GALK2: variants seen among roughly 807,000 people sequenced by gnomAD.
GALK2 encodes galactokinase 2, also known as N-acetylgalactosamine kinase.
GALK2 carries 36 observed loss-of-function variants against 52.4 expected under a neutral mutation model. The ratio of observed to expected loss-of-function variants is 0.69; its 90% CI spans 0.53 to 0.91. GALK2 has a LOEUF of 0.91. Among genes scored for constraint, GALK2 ranks in the 40% least tolerant of loss-of-function variants. The pLI, the probability that GALK2 is intolerant of heterozygous loss-of-function variation, is 0.00. For missense variants in GALK2, 579 were observed against 559.1 expected (o/e 1.04, Z -0.36); for synonymous variants, 176 against 199.1 (o/e 0.88, Z 0.98).
chr15:49,298,898 G>C (rs1376743134), intron 8 of GALK2, among the ~76,000 whole-genome samples: 1 of 152,074 alleles, frequency 6.6e-6, no homozygotes, highest in African/African-American at 2.4e-5. Flanking sequence ...CCAGGTTTTG[G>C]TATTGGAATC....
At chr15:49,165,559 A>C (rs962506306), upstream of GALK2, among the ~76,000 whole-genome samples, 2 of 152,036 alleles carry the variant, frequency 1.3e-5, no homozygotes, top group African/African-American at 4.8e-5. Flanking sequence ...TTCTCATCAT[A>C]ATTGAGATAT....
chr15:49,191,872 T>C (rs3985852), intron 1 of GALK2, among the ~76,000 whole-genome samples: 40,691 of 149,074 alleles, frequency 0.27, 6,640 homozygotes, highest in Non-Finnish European at 0.37. Flanking sequence ...GTTTTTTTTT[T>C]CCATACTTTT....
chr15:49,328,435 A>G lies in GALK2; in HGVS notation c.*276A>G. On this transcript the variant is annotated 3_prime_UTR_variant, in exon 10 of 10. Transcript: ENST00000560031. ...TGAGATTTATTGATTTGAAGATTTT[A>G]AAGATGAATGGTAAAACACACTCTT... The G allele has an allele frequency of 6.9e-7, 1 of 1,450,110 alleles. No individual in the cohort carries two copies. The highest frequency in any genetic ancestry group is 9.1e-7 in the Non-Finnish European group (1 of 1,102,626). The allele number at this position is 1,450,110 out of a possible 1,614,324, so 89.8% of individuals were successfully genotyped here. A position where few individuals can be genotyped will look rare whatever the true frequency, so the allele number is the denominator to read the frequency against.
chr15:49,275,139 A>C (rs2031443929), intron 5 of GALK2, among the ~76,000 whole-genome samples: 1 of 152,186 alleles, frequency 6.6e-6, no homozygotes, highest in Non-Finnish European at 1.5e-5. Flanking sequence ...GTTTACATCA[A>C]CATCACCACA....
At chr15:49,251,974 T>C (rs2091622227) in intron 5 of GALK2, among the ~76,000 whole-genome samples, 1 of 152,082 alleles carries the variant, frequency 6.6e-6, no homozygotes, top group South Asian at 2.1e-4. Flanking sequence ...TATAAATATA[T>C]GTATATATTG....
rs564652635 is a variant in GALK2, at chr15:49,237,851, AT to A, written c.358-1359del. On this transcript the variant is annotated intron_variant, in intron 4 of 9. Transcript: ENST00000560031. ...TATATTAAATATATTGTATTCTTCA[AT>A]TTTTTTTTTTAAACAAGCTGTCTGA... is the stretch of plus-strand genomic sequence containing the variant. Among the ~76,000 whole-genome samples, 199 of 148,196 alleles carry A rather than the reference AT, an allele frequency of 1.3e-3. 1 individual carries two copies. Among genetic ancestry groups the A allele is most frequent in the African/African-American group, 3.5e-3 (143 of 40,598 alleles).
chr15:49,268,813 G>A (rs573916310), intron 5 of GALK2, among the ~76,000 whole-genome samples: 1 of 152,076 alleles, frequency 6.6e-6, no homozygotes, highest in African/African-American at 2.4e-5. Flanking sequence ...TTACCAATTG[G>A]GTACATCTCC....
At chr15:49,222,090 T>C (rs1219363211) in intron 3 of GALK2, among the ~76,000 whole-genome samples, 1 of 152,178 alleles carries the variant, frequency 6.6e-6, no homozygotes, top group Non-Finnish European at 1.5e-5. Context: ...TCATCAGTGT[T>C]TTCTAGTTTT....
intron 5 of GALK2, among the ~76,000 whole-genome samples, chr15:49,245,801 T>C (rs1194087561): frequency 2.0e-5 from 3 of 152,168 alleles, no homozygotes; most frequent in Non-Finnish European, 4.4e-5. Context: ...TTTCCTACAA[T>C]GTTACAAAAA....
intron 1 of GALK2, chr15:49,156,596 A>C (rs2084461966): frequency 7.7e-6 from 4 of 518,214 alleles, no homozygotes; most frequent in African/African-American, 1.9e-5. Context: ...GGAGCCAAAG[A>C]AATTCAGATT....
At chr15:49,160,782 C>T (rs1490991850) in intron 1 of GALK2, among the ~76,000 whole-genome samples, 1 of 151,882 alleles carries the variant, frequency 6.6e-6, no homozygotes, top group African/African-American at 2.4e-5. Context: ...GCAGGAGAAT[C>T]GCTTGAACCG....
At position 49,319,592 on chromosome 15, in the gene GALK2, T is replaced by C. The variant is rs536203190; in HGVS notation, c.968-12T>C. ...ATTCCTAACCTCCTTCCCCATCCTCTTCCTTCCTCAGTGCTCATCTTCAAA... is the reference window on the plus strand; with the variant it reads ...ATTCCTAACCTCCTTCCCCATCCTCCTCCTTCCTCAGTGCTCATCTTCAAA... On this transcript the variant is annotated splice_polypyrimidine_tract_variant and intron_variant, in intron 8 of 9. Coordinates refer to ENST00000560031, the MANE Select transcript of GALK2 (RefSeq NM_002044.4). 3 of 1,613,654 alleles carry C rather than the reference T, an allele frequency of 1.9e-6. No homozygotes were observed. The highest frequency in any genetic ancestry group is 1.1e-5 in the South Asian group (1 of 91,048).
intron 5 of GALK2, among the ~76,000 whole-genome samples, chr15:49,239,634 C>T (rs1015200301): frequency 1.3e-5 from 2 of 152,132 alleles, no homozygotes; most frequent in Non-Finnish European, 2.9e-5. Flanking sequence ...CATTTTAGAT[C>T]ACCTCATTCA....
chr15:49,241,464 A>G (rs562069512), intron 5 of GALK2, among the ~76,000 whole-genome samples: 3 of 152,198 alleles, frequency 2.0e-5, no homozygotes, highest in Non-Finnish European at 4.4e-5. Flanking sequence ...AAAGACAAGG[A>G]AGATAATGTT....
At chr15:49,312,124 A>G (rs1342789933) in intron 8 of GALK2, among the ~76,000 whole-genome samples, 1 of 152,150 alleles carries the variant, frequency 6.6e-6, no homozygotes, top group East Asian at 1.9e-4. Context: ...CTAGATCCAG[A>G]CACCCTCTTG....
At chr15:49,203,517 G>A (rs2087974074) in intron 2 of GALK2, among the ~76,000 whole-genome samples, 1 of 152,166 alleles carries the variant, frequency 6.6e-6, no homozygotes, top group Non-Finnish European at 1.5e-5. Context: ...CTGTGCAGAA[G>A]CTTTTTAGTT....
intron 7 of GALK2, among the ~76,000 whole-genome samples, chr15:49,291,076 C>T (rs995108504): frequency 2.0e-5 from 3 of 152,138 alleles, no homozygotes; most frequent in African/African-American, 4.8e-5. Flanking sequence ...ATTCCTCAGC[C>T]TCCTGAGTAG....
intron 1 of GALK2, among the ~76,000 whole-genome samples, chr15:49,179,517 C>T (rs150189350): frequency 9.8e-4 from 149 of 152,238 alleles, no homozygotes; most frequent in African/African-American, 3.4e-3. Context: ...AATTTTAATT[C>T]ATTCATTTCT....
intron 3 of GALK2, chr15:49,353,919 C>T (rs2042639141): frequency 6.6e-6 from 1 of 152,004 alleles, no homozygotes; most frequent in Non-Finnish European, 1.5e-5. Flanking sequence ...TTAGTAATAA[C>T]TTACAAGTTG....
Sources: allele counts gnomAD v4.1 joint callset (sites outside exome capture counted in the v4.1 genomes callset), GRCh38; gene constraint gnomAD v4.1.1; transcripts MANE v1.5; gene names NCBI Gene and HGNC (gene_info 2026-07-23, HGNC 2026-07-21).